Variants in VPS8 observed in about 807,000 individuals in gnomAD.
The protein encoded by VPS8 is VPS8 subunit of CORVET complex, also known as vacuolar protein sorting-associated protein 8 homolog.
Under a neutral mutation model 216.4 loss-of-function variants are expected in VPS8, and 129 were observed. The ratio of observed to expected loss-of-function variants is 0.60; its 90% CI spans 0.52 to 0.69. The LOEUF is 0.69. Among genes scored for constraint, VPS8 ranks in the 30% least tolerant of loss-of-function variants. The pLI is 0.00. For missense variants in VPS8, 1,531 were observed against 1,683.5 expected, an observed-to-expected ratio of 0.91 and a Z score of 1.59; for synonymous variants, 571 against 565.4, an observed-to-expected ratio of 1.01 and a Z score of -0.14.
intron 4 of VPS8, 57 bp from the exon 5 acceptor site, chr3:184,834,592 A>G (rs1577794055): frequency 7.8e-7 from 1 of 1,287,596 alleles, no homozygotes; most frequent in Non-Finnish European, 1.1e-6. Flanking sequence ...AAGCTTTGGG[A>G]CCTCTCCTTT....
chr3:184,926,683 AT>A, intron 31 of VPS8, 33 bp downstream of exon 31: 8 of 1,567,846 alleles, frequency 5.1e-6, no homozygotes, highest in Non-Finnish European at 6.1e-6. Flanking sequence ...TTGCTAAAAA[AT>A]AGGAAAGAAG....
At chr3:184,997,174 G>A (rs1298730321) in intron 44 of VPS8, among the ~76,000 whole-genome samples, 4 of 152,202 alleles carry the variant, frequency 2.6e-5, no homozygotes. Context: ...AGGAACCCTA[G>A]TGCAGAGTGA....
At chr3:184,911,517 T>A (rs961681552) in intron 25 of VPS8, among the ~76,000 whole-genome samples, 2 of 152,216 alleles carry the variant, frequency 1.3e-5, no homozygotes, top group Admixed American at 1.3e-4. Flanking sequence ...CACAGAGGGT[T>A]TTGAGAACTT....
chr3:185,013,372 C>T (rs141802722), intron 45 of VPS8, among the ~76,000 whole-genome samples: 28 of 152,342 alleles, frequency 1.8e-4, no homozygotes, highest in African/African-American at 6.5e-4. Flanking sequence ...TCAGGATCCA[C>T]ATCTGCAGAC....
chr3:184,994,779 A>G (rs1752397143), intron 43 of VPS8, among the ~76,000 whole-genome samples: 1 of 152,236 alleles, frequency 6.6e-6, no homozygotes, highest in Admixed American at 6.5e-5. Flanking sequence ...CCATTGTATT[A>G]GTTTGTTTTT....
chr3:184,874,654 G>A (rs760456195), intron 21 of VPS8, among the ~76,000 whole-genome samples: 12 of 152,176 alleles, frequency 7.9e-5, no homozygotes, highest in Non-Finnish European at 1.6e-4. Flanking sequence ...AGCCAATTGT[G>A]TGTTAAGACT....
At chr3:184,833,286 C>T (rs1720387336) in intron 4 of VPS8, among the ~76,000 whole-genome samples, 1 of 152,136 alleles carries the variant, frequency 6.6e-6, no homozygotes, top group South Asian at 2.1e-4. Context: ...TAAATTTGGG[C>T]TGCTTTTCAC....
chr3:184,919,365 T>G (rs528026376), intron 28 of VPS8, among the ~76,000 whole-genome samples: 1 of 152,356 alleles, frequency 6.6e-6, no homozygotes, highest in Non-Finnish European at 1.5e-5. Context: ...TCTTTAAGTC[T>G]TTCATCATTC....
At chr3:184,855,611 A>T (rs1034211188) in intron 13 of VPS8, 100 bp from the exon 14 acceptor site, 3 of 979,990 alleles carry the variant, frequency 3.1e-6, no homozygotes, top group African/African-American at 3.3e-5. Flanking sequence ...GAAAGTTTTT[A>T]TCAAGGAACA....
chr3:184,925,829 A>G (rs1256154939), intron 30 of VPS8, among the ~76,000 whole-genome samples: 1 of 142,858 alleles, frequency 7.0e-6, no homozygotes, highest in Admixed American at 7.2e-5. Context: ...GCTGGAGTGC[A>G]GCAGCACGAT....
chr3:184,868,987 G>A lies in VPS8; in HGVS notation c.1548G>A (p.Ala516=), dbSNP rs201213628. The stretch of plus-strand genomic sequence containing the variant: ...TGAAACAAGATTGTCTTACAGAAGC[G>A]TTGGCTCTTGCGTGGTCTTTCCATG... ...HLLKQDCLTE[A]LALAWSFHEG... is the part of the protein sequence containing the mutation. Residue 516 remains alanine (A), a synonymous_variant, in exon 19 of 48, where the codon GCG becomes GCA. Transcript: ENST00000625842. The A allele has an allele frequency of 8.8e-5, 141 of 1,610,744 alleles. No individual in the cohort carries two copies. In the East Asian group the frequency reaches 1.8e-3, roughly 21 times the overall value.
At chr3:184,967,185 G>A (rs189812620) in intron 39 of VPS8, among the ~76,000 whole-genome samples, 1 of 152,150 alleles carries the variant, frequency 6.6e-6, no homozygotes, top group East Asian at 1.9e-4. Flanking sequence ...GGCTGGTCTC[G>A]AACTCTTGGC....
chr3:184,866,011 T>C (rs1056781028), intron 16 of VPS8, among the ~76,000 whole-genome samples: 11 of 151,274 alleles, frequency 7.3e-5, no homozygotes, highest in African/African-American at 2.4e-5. Context: ...AAGTTAAACA[T>C]TGAATTACCA....
intron 45 of VPS8, among the ~76,000 whole-genome samples, chr3:185,013,173 A>G (rs970882023): frequency 1.3e-4 from 20 of 152,098 alleles, no homozygotes; most frequent in African/African-American, 4.6e-4. Context: ...TAAATCCACA[A>G]CCTTCCAGTG....
chr3:185,016,995 C>T (rs1755893344), intron 45 of VPS8, among the ~76,000 whole-genome samples: 1 of 151,830 alleles, frequency 6.6e-6, no homozygotes, highest in African/African-American at 2.4e-5. Flanking sequence ...TTCCTTCAAA[C>T]CTTGTAAATT....
intron 8 of VPS8, among the ~76,000 whole-genome samples, chr3:184,847,487 T>C (rs1723356646): frequency 6.6e-6 from 1 of 152,210 alleles, no homozygotes; most frequent in Non-Finnish European, 1.5e-5. Context: ...AATTCACTCA[T>C]GATCTTAGCC....
chr3:184,877,160 A>C (rs962241217), intron 21 of VPS8, among the ~76,000 whole-genome samples: 1 of 152,154 alleles, frequency 6.6e-6, no homozygotes, highest in Non-Finnish European at 1.5e-5. Context: ...TTGTAGCTCA[A>C]CTAGCTCTGT....
chr3:184,980,177 GT>G, intron 40 of VPS8, among the ~76,000 whole-genome samples: 1 of 151,758 alleles, frequency 6.6e-6, no homozygotes, highest in South Asian at 2.1e-4. Flanking sequence ...GCCCAATGGG[GT>G]TCCCTTTGTA....
chr3:185,037,099 T>C (rs1402108013), intron 46 of VPS8, among the ~76,000 whole-genome samples: 1 of 151,026 alleles, frequency 6.6e-6, no homozygotes, highest in African/African-American at 2.4e-5. Context: ...TAAATTACCC[T>C]CCATAGTCAG....
Sources: gnomAD v4.1 joint callset for allele counts (sites outside exome capture counted in the v4.1 genomes callset) on GRCh38, gnomAD v4.1.1 for gene constraint, MANE v1.5 for transcripts, NCBI Gene and HGNC (gene_info 2026-07-23, HGNC 2026-07-21) for gene names.